MROH9: variants seen among roughly 807,000 people sequenced by gnomAD.
MROH9 encodes the protein maestro heat like repeat family member 9.
A neutral mutation model predicts 98.2 loss-of-function variants in MROH9; 92 were observed. That is an observed-to-expected ratio of 0.94 (90% CI 0.79 to 1.11). MROH9 has a LOEUF of 1.11. Ranked by LOEUF, MROH9 falls within the 50% of genes most tolerant of loss-of-function variation. The probability of loss-of-function intolerance (pLI) is 0.00; values close to 1 mark genes in which losing one functional copy is unlikely to be tolerated. For missense variants in MROH9, 1,057 were observed against 1,014.8 expected (o/e 1.04, Z -0.57); for synonymous variants, 397 against 368.9 (o/e 1.08, Z -0.87).
chr1:170,969,310 A>C (rs1437531466), intron 7 of MROH9, among the ~76,000 whole-genome samples: 1 of 152,196 alleles, frequency 6.6e-6, no homozygotes, highest in Non-Finnish European at 1.5e-5. Flanking sequence ...TACTAAGTGA[A>C]AGAAGCCAGG....
chr1:171,020,515 C>T (rs1414876444), intron 17 of MROH9, among the ~76,000 whole-genome samples: 4 of 152,208 alleles, frequency 2.6e-5, no homozygotes, highest in Non-Finnish European at 4.4e-5. Flanking sequence ...ACAAAAACCA[C>T]ATGATTATCT....
intron 20 of MROH9, among the ~76,000 whole-genome samples, chr1:171,053,440 G>T (rs1653732896): frequency 6.6e-6 from 1 of 152,146 alleles, no homozygotes; most frequent in South Asian, 2.1e-4. Context: ...ATCTCTGGTT[G>T]GATGAAGAAG....
chr1:171,024,727 A>G lies in MROH9; in HGVS notation c.2140A>G (p.Ser714Gly). 1.3e-6 allele frequency: 2 copies of G among 1,550,930 alleles called. No homozygotes were observed. The highest frequency in any genetic ancestry group is 1.7e-6 in the Non-Finnish European group (2 of 1,146,408). ...ACGTTTGCTCAAAGATGAAAATTAC[A>G]GTTTTGAGATGGTGGTGCTCAATAT... ...TSRLLKDENY[S>G]FEMVVLNICN... is the part of the protein sequence containing the mutation. Residue 714 changes from serine (S) to glycine (G), a missense_variant, in exon 19 of 22, where the codon AGT becomes GGT. Physicochemically the swap from Ser to Gly is moderately conservative, Grantham distance 56 (BLOSUM62 0). Transcript: ENST00000367759.
intron 4 of MROH9, 70 bp downstream of exon 4, chr1:170,958,610 A>G: frequency 9.3e-7 from 1 of 1,079,624 alleles, no homozygotes; most frequent in South Asian, 1.6e-5. Context: ...CTTTAAAAAC[A>G]TGCAATTGTG....
intron 20 of MROH9, among the ~76,000 whole-genome samples, chr1:171,044,335 C>A (rs1653397870): frequency 6.6e-6 from 1 of 152,120 alleles, no homozygotes; most frequent in Non-Finnish European, 1.5e-5. Flanking sequence ...GATGGATGAT[C>A]TTTCTAATGC....
chr1:171,004,627 G>A (rs1651893755), intron 15 of MROH9, among the ~76,000 whole-genome samples: 1 of 152,178 alleles, frequency 6.6e-6, no homozygotes, highest in Admixed American at 6.5e-5. Context: ...TCCTGCAGGA[G>A]CTTCCACTTC....
rs767809032 is a variant in MROH9 at position 170,996,655 on chromosome 1, G to T, written c.1475+11G>T. 4 of 1,612,690 alleles carry T rather than the reference G, an allele frequency of 2.5e-6. No homozygotes were observed. The African/African-American group carries it at 5.3e-5, about 22-fold the overall frequency. ...CTGCTTTATTGCTAAGTAAGAACAG[G>T]GGTCTCTGTGTAGGATTCTTGGTCT... On this transcript the variant is annotated intron_variant, in intron 14 of 21. Coordinates refer to ENST00000367759, the MANE Select transcript of MROH9 (RefSeq NM_001163629.2).
intron 12 of MROH9, 150 bp from the exon 13 acceptor site, chr1:170,995,239 T>C (rs1182566617): frequency 2.7e-6 from 2 of 754,118 alleles, no homozygotes; most frequent in South Asian, 1.8e-5. Flanking sequence ...CGGCTGTTAT[T>C]AAATGAATGG....
At chr1:170,998,505 G>A (rs1304623090) in intron 15 of MROH9, 2 of 1,466,024 alleles carry the variant, frequency 1.4e-6, no homozygotes, top group Admixed American at 2.6e-5. Flanking sequence ...TGTTTCTAGG[G>A]GTGTGAATTT....
intron 15 of MROH9, among the ~76,000 whole-genome samples, chr1:171,001,914 G>A (rs1182696970): frequency 1.3e-5 from 2 of 151,894 alleles, no homozygotes; most frequent in Admixed American, 6.6e-5. Flanking sequence ...TATAAATTTG[G>A]GAGCTCTAGT....
At chr1:170,967,782 C>T (rs570039818) in intron 7 of MROH9, among the ~76,000 whole-genome samples, 2 of 152,316 alleles carry the variant, frequency 1.3e-5, no homozygotes, top group East Asian at 1.9e-4. Context: ...AATGGTTCAA[C>T]TTTCAACAGG....
At chr1:170,963,960 AGTT>A (rs1650128352) in intron 6 of MROH9, among the ~76,000 whole-genome samples, 1 of 152,138 alleles carries the variant, frequency 6.6e-6, no homozygotes, top group African/African-American at 2.4e-5. Flanking sequence ...AGTTAAAAAA[AGTT>A]GTTATCCTCA....
At chr1:170,946,284 G>GA (rs1005306735) in intron 2 of MROH9, among the ~76,000 whole-genome samples, 13 of 151,446 alleles carry the variant, frequency 8.6e-5, no homozygotes, top group Admixed American at 2.0e-4. Flanking sequence ...CTAATTATAT[G>GA]AAAAAAAATC....
At chr1:170,990,371 T>G (rs1419409377) in intron 11 of MROH9, among the ~76,000 whole-genome samples, 1 of 152,200 alleles carries the variant, frequency 6.6e-6, no homozygotes, top group Non-Finnish European at 1.5e-5. Context: ...GGAAATAAAT[T>G]TGTACATGTA....
chr1:171,038,295 G>A (rs1653176344), intron 20 of MROH9, among the ~76,000 whole-genome samples: 1 of 152,074 alleles, frequency 6.6e-6, no homozygotes, highest in Non-Finnish European at 1.5e-5. Context: ...TTTTCCAAAA[G>A]TGATGCAAAC....
chr1:171,030,360 G>A (rs1488039959), intron 20 of MROH9, among the ~76,000 whole-genome samples: 2 of 151,938 alleles, frequency 1.3e-5, no homozygotes, highest in African/African-American at 4.8e-5. Flanking sequence ...TGATGCTCTA[G>A]CTCTTTTAAC....
chr1:171,062,838 T>A (rs1390904842), intron 21 of MROH9, among the ~76,000 whole-genome samples: 1 of 152,178 alleles, frequency 6.6e-6, no homozygotes. Flanking sequence ...TTCACAGCAA[T>A]ATTGAGCTGC....
intron 11 of MROH9, among the ~76,000 whole-genome samples, 176 bp downstream of exon 11, chr1:170,990,179 T>C (rs1425227696): frequency 6.6e-6 from 1 of 152,220 alleles, no homozygotes; most frequent in Admixed American, 6.5e-5. Flanking sequence ...TAAGATCATA[T>C]GTGTTATGCA....
chr1:171,017,109 G>C (rs1057158546), intron 17 of MROH9, among the ~76,000 whole-genome samples: 1 of 152,158 alleles, frequency 6.6e-6, no homozygotes, highest in African/African-American at 2.4e-5. Flanking sequence ...AAACACATTA[G>C]AATAGTAATA....
Sources: allele counts gnomAD v4.1 joint callset (sites outside exome capture counted in the v4.1 genomes callset), GRCh38; gene constraint gnomAD v4.1.1; transcripts MANE v1.5; gene names NCBI Gene and HGNC (gene_info 2026-07-23, HGNC 2026-07-21).